Variants in TFB1M observed in about 807,000 individuals in gnomAD.
TFB1M encodes the protein dimethyladenosine transferase 1, mitochondrial.
In TFB1M, 27 loss-of-function variants were observed where a neutral mutation model predicts 31.1. The observed-to-expected ratio is 0.87, with a 90% CI of 0.64 to 1.20. The LOEUF is 1.20. Among genes scored for constraint, TFB1M ranks in the 50% most tolerant of loss-of-function variants. The pLI, the probability that TFB1M is intolerant of heterozygous loss-of-function variation, is 0.00. For synonymous variants in TFB1M, 166 were observed against 151.8 expected (o/e 1.09, Z -0.69); for missense variants, 394 against 418.7 (o/e 0.94, Z 0.51).
chr6:155,265,127 CTGTGCTCCCGCTTGGGTT>C (rs1262390411), intron 5 of TFB1M, among the ~76,000 whole-genome samples: 1 of 152,242 alleles, frequency 6.6e-6, no homozygotes, highest in Non-Finnish European at 1.5e-5. Flanking sequence ...CTGTCCCGGG[CTGTGCTCCCGCTTGGGTT>C]TGTGGATGTG....
At chr6:155,252,507 A>C (rs377372457), downstream of TFB1M, among the ~76,000 whole-genome samples, 4 of 152,190 alleles carry the variant, frequency 2.6e-5, no homozygotes, top group East Asian at 5.8e-4. Context: ...ATAAATACTC[A>C]TATGGGGGCC....
intron 5 of TFB1M, among the ~76,000 whole-genome samples, chr6:155,280,558 T>C (rs1002202819): frequency 2.0e-5 from 3 of 152,286 alleles, no homozygotes; most frequent in Admixed American, 6.5e-5. Context: ...CTGAGGGCCC[T>C]TGTCAATACA....
chr6:155,266,326 CA>C (rs1182029711), intron 5 of TFB1M, among the ~76,000 whole-genome samples: 1 of 152,144 alleles, frequency 6.6e-6, no homozygotes, highest in Non-Finnish European at 1.5e-5. Flanking sequence ...GGGGCTTTTC[CA>C]AAGCCCTCGT....
At chr6:155,286,667 A>G (rs1282291784) in intron 4 of TFB1M, among the ~76,000 whole-genome samples, 1 of 148,416 alleles carries the variant, frequency 6.7e-6, no homozygotes, top group East Asian at 1.9e-4. Flanking sequence ...ATATGTATAT[A>G]TACATATATA....
chr6:155,302,959 A>C (rs1483059513), intron 2 of TFB1M, among the ~76,000 whole-genome samples: 1 of 152,166 alleles, frequency 6.6e-6, no homozygotes, highest in African/African-American at 2.4e-5. Context: ...AAAAGGGAGA[A>C]ATGCCCCTTA....
At chr6:155,247,868 G>A in the TFB1M span, 1 of 1,171,592 alleles carries the variant, frequency 8.5e-7, no homozygotes, top group Admixed American at 2.2e-5. Context: ...CCACTGATGT[G>A]TTGGGGTTTT....
At chr6:155,264,110 G>A (rs544359726) in intron 5 of TFB1M, 11 of 152,326 alleles carry the variant, frequency 7.2e-5, no homozygotes, top group African/African-American at 2.4e-4. Context: ...ATGGAACGCA[G>A]GAGGACAGGG....
intron 4 of TFB1M, among the ~76,000 whole-genome samples, chr6:155,296,358 C>T (rs914257636): frequency 5.9e-5 from 9 of 151,362 alleles, no homozygotes; most frequent in Non-Finnish European, 1.2e-4. Flanking sequence ...CTCCCAGGTT[C>T]AAGCAATTCT....
chr6:155,279,213 C>CA (rs549301080), intron 5 of TFB1M, among the ~76,000 whole-genome samples: 2 of 147,764 alleles, frequency 1.4e-5, no homozygotes, highest in African/African-American at 5.0e-5. Flanking sequence ...AAATATCATA[C>CA]TTTTTTTTTT....
the TFB1M span, among the ~76,000 whole-genome samples, chr6:155,243,471 G>A: frequency 6.6e-6 from 1 of 152,196 alleles, no homozygotes; most frequent in South Asian, 2.1e-4. Flanking sequence ...AGCTGTAAAG[G>A]TGTGGAATCC....
chr6:155,285,187 G>C lies in TFB1M; in HGVS notation c.637C>G (p.Pro213Ala). Residue 213 changes from proline to alanine, a missense_variant, in exon 5 of 7, where the codon CCA becomes GCA. Coordinates refer to ENST00000367166, the MANE Select transcript of TFB1M (RefSeq NM_016020.4). ...LCNVRHIFTI[P>A]GQAFVPKPEV... is the part of the protein sequence containing the mutation. Reference sequence around the variant, plus strand: ...GGTTTGGGGACAAAAGCTTGTCCTGGAATCGTAAAGATGTGTCGAACATTG... The same window carrying C: ...GGTTTGGGGACAAAAGCTTGTCCTGCAATCGTAAAGATGTGTCGAACATTG... The C allele has an allele frequency of 1.2e-6, 2 of 1,613,996 alleles. No homozygotes were observed. Among genetic ancestry groups the C allele is most frequent in the Non-Finnish European group, 8.5e-7 (1 of 1,179,884 alleles).
chr6:155,244,915 C>T, the TFB1M span: 5 of 1,154,844 alleles, frequency 4.3e-6, no homozygotes, highest in Non-Finnish European at 3.5e-6. Flanking sequence ...GTGACTATTT[C>T]CTTGCACCGT....
chr6:155,239,431 G>A, the TFB1M span, among the ~76,000 whole-genome samples: 1 of 152,214 alleles, frequency 6.6e-6, no homozygotes. Flanking sequence ...CAGATGGGGA[G>A]GTGGTGAAGT....
the TFB1M span, among the ~76,000 whole-genome samples, chr6:155,230,164 C>T: frequency 6.6e-6 from 1 of 152,112 alleles, no homozygotes; most frequent in African/African-American, 2.4e-5. Context: ...GCTGAACTCA[C>T]CTCCAGGTGG....
rs34767632 is a variant in TFB1M at position 155,263,742 on chromosome 6, CAT to C, written c.667-3344_667-3343del. ...GTACAACTCAGTTCCTGATGATTAT[CAT>C]ATGCCCAAAAGCTAAGTCACGACCA... On this transcript the variant is annotated intron_variant, in intron 5 of 6. Transcript: ENST00000367166. 3.8e-3 allele frequency among the ~76,000 whole-genome samples: 586 copies of C among 152,270 alleles called. 5 individuals carry two copies. The highest frequency in any genetic ancestry group is 0.013 in the African/African-American group (559 of 41,546).
At chr6:155,296,426 ATTTTTTT>A (rs71023639) in intron 4 of TFB1M, among the ~76,000 whole-genome samples, 17,115 of 103,958 alleles carry the variant, frequency 0.16, 985 homozygotes, top group South Asian at 0.19. Flanking sequence ...CACCCAGCTA[ATTTTTTT>A]TTTTTTTTTT....
chr6:155,307,396 A>C (rs1777828993), intron 2 of TFB1M, among the ~76,000 whole-genome samples: 1 of 152,166 alleles, frequency 6.6e-6, no homozygotes, highest in Non-Finnish European at 1.5e-5. Flanking sequence ...AGTAGGAGCA[A>C]GTCACATCCT....
chr6:155,257,905 T>G lies in TFB1M; in HGVS notation c.972A>C (p.Glu324Asp), dbSNP rs761449178. ...DPQLFAYNFR[E>D]ELKRRKSKNE... ...TTTTGCTTTTTCTTCGCTTGAGTTCTTCTCTGAAATTATATGCAAAGAGTT... is the reference window on the plus strand; with the variant it reads ...TTTTGCTTTTTCTTCGCTTGAGTTCGTCTCTGAAATTATATGCAAAGAGTT... Residue 324 changes from glutamate to aspartate, a missense_variant, in exon 7 of 7, where the codon GAA (glutamate) becomes GAC (aspartate). By Grantham distance (45) the Glu-to-Asp change is conservative (BLOSUM62 2). This residue lies in a region of TFB1M where 115 missense variants were observed against 144.1 expected (regional missense o/e 0.80). Transcript: ENST00000367166. 8 of 1,614,144 alleles carry G rather than the reference T, an allele frequency of 5.0e-6. No homozygotes were observed. The highest frequency in any genetic ancestry group is 2.7e-5 in the African/African-American group (2 of 74,950).
intron 5 of TFB1M, among the ~76,000 whole-genome samples, chr6:155,279,187 A>T (rs552318121): frequency 2.0e-5 from 3 of 148,246 alleles, no homozygotes; most frequent in African/African-American, 7.5e-5. Context: ...TACCAAAACA[A>T]AACCCAAAAG....
Sources: gnomAD v4.1 joint callset for allele counts (sites outside exome capture counted in the v4.1 genomes callset) on GRCh38, gnomAD v4.1.1 for gene constraint, gnomAD v4.1.1 regional missense constraint, MANE v1.5 for transcripts, NCBI Gene and HGNC (gene_info 2026-07-23, HGNC 2026-07-21) for gene names.